The following ENY2 variants were observed in gnomAD, a reference collection of about 807,000 sequenced individuals.
The protein encoded by ENY2 is transcription and mRNA export factor ENY2.
A neutral mutation model predicts 15.9 loss-of-function variants in ENY2; 4 were observed. The observed-to-expected ratio is 0.25, with a 90% confidence interval of 0.12 to 0.57. The LOEUF (loss-of-function observed/expected upper bound fraction) is 0.57, where lower values mean the gene tolerates loss of function less well. ENY2 is among the 20% of genes least tolerant of loss of function. ENY2 has a pLI of 0.91. For missense variants in ENY2, 54 were observed against 117.2 expected, an observed-to-expected ratio of 0.46 and a Z score of 2.49; for synonymous variants, 48 against 38.0, an observed-to-expected ratio of 1.26 and a Z score of -0.97.
chr8:109,340,392 A>C, intron 3 of ENY2, 97 bp from the exon 4 acceptor site: 4 of 1,544,256 alleles, frequency 2.6e-6, no homozygotes, highest in Non-Finnish European at 3.5e-6. Flanking sequence ...AAACCAGTCT[A>C]CACTCTAAAA....
At chr8:109,341,816 T>G (rs1212278342) in intron 4 of ENY2, among the ~76,000 whole-genome samples, 4 of 152,186 alleles carry the variant, frequency 2.6e-5, no homozygotes, top group African/African-American at 9.6e-5. Context: ...TTCGTGTAGC[T>G]ACCACCGTCA....
At chr8:109,340,321 C>T in intron 3 of ENY2, 168 bp from the exon 4 acceptor site, 1 of 893,224 alleles carries the variant, frequency 1.1e-6, no homozygotes, top group South Asian at 1.8e-5. Flanking sequence ...TCTTTTAGAT[C>T]TAAAGAATAC....
At chr8:109,339,998 A>G (rs1457204923) in intron 3 of ENY2, among the ~76,000 whole-genome samples, 1 of 152,214 alleles carries the variant, frequency 6.6e-6, no homozygotes, top group Non-Finnish European at 1.5e-5. Flanking sequence ...TAGTAAAAGC[A>G]TAGACTTTAA....
At chr8:109,341,049 A>G (rs1214718487) in intron 4 of ENY2, among the ~76,000 whole-genome samples, 6 of 152,176 alleles carry the variant, frequency 3.9e-5, no homozygotes, top group Non-Finnish European at 7.4e-5. Flanking sequence ...TAAGACTCAC[A>G]ATGCAACCAC....
Position 109,334,379 on chromosome 8 carries a change from A to G in ENY2, c.-90A>G. On this transcript the variant is annotated 5_prime_UTR_variant, in exon 1 of 5. Coordinates refer to ENST00000521688, the MANE Select transcript of ENY2 (RefSeq NM_020189.6). ...TAGGTGCCCGAGCTACTGAGGGTCT[A>G]AGTCCGGGCAGCCGAAGAGTGTGGT... The G allele has an allele frequency of 1.9e-6, 3 of 1,589,214 alleles. No individual in the cohort carries two copies. Among genetic ancestry groups the G allele is most frequent in the Non-Finnish European group, 2.6e-6 (3 of 1,161,566 alleles).
chr8:109,341,291 G>T (rs1309315500), intron 4 of ENY2, among the ~76,000 whole-genome samples: 2 of 152,114 alleles, frequency 1.3e-5, no homozygotes, highest in Non-Finnish European at 2.9e-5. Flanking sequence ...GAATTTAAGT[G>T]TAAAAAGTAA....
intron 1 of ENY2, 160 bp downstream of exon 1, chr8:109,334,634 T>G: frequency 1.3e-6 from 1 of 783,502 alleles, no homozygotes. Flanking sequence ...GTCCTCGCTT[T>G]GTTTTCTGGC....
At chr8:109,342,983 G>A (rs1275395427) in intron 4 of ENY2, among the ~76,000 whole-genome samples, 1 of 152,106 alleles carries the variant, frequency 6.6e-6, no homozygotes, top group Non-Finnish European at 1.5e-5. Flanking sequence ...CCTTATCAGT[G>A]TGAAACAACT....
At position 109,344,261 on chromosome 8, in the gene ENY2, T is replaced by C. The variant is rs1238510194; in HGVS notation, c.*780T>C. 1.3e-5 allele frequency: 2 copies of C among 152,366 alleles called. No individual in the cohort carries two copies. Among genetic ancestry groups the C allele is most frequent in the African/African-American group, 4.8e-5 (2 of 41,464 alleles). The allele number at this position is 152,366 out of a possible 1,614,324, so 9.4% of individuals were successfully genotyped here. ...ACTCTCTTCCCACTCCTCACATTGCTTTTGCTACCACTGGAAGTTCCTTCT... is the reference window on the plus strand; with the variant it reads ...ACTCTCTTCCCACTCCTCACATTGCCTTTGCTACCACTGGAAGTTCCTTCT... On this transcript the variant is annotated 3_prime_UTR_variant, in exon 5 of 5. Transcript: ENST00000521688.
At position 109,335,866 on chromosome 8, in the gene ENY2, C is replaced by G. The variant is rs114306073; in HGVS notation, c.7-262C>G. On this transcript the variant is annotated intron_variant, in intron 1 of 4. Coordinates refer to ENST00000521688, the MANE Select transcript of ENY2 (RefSeq NM_020189.6). ...CCTCAGTTTCCTCATCAGTAAAATA[C>G]AGATTATTTTATTAATATAAATATG... is the stretch of plus-strand genomic sequence containing the variant. The G allele has an allele frequency of 3.6e-3, 914 of 253,052 alleles. 13 individuals carry two copies. Among genetic ancestry groups the G allele is most frequent in the African/African-American group, 0.019 (853 of 44,876 alleles). The allele number at this position is 253,052 out of a possible 1,614,324, so 15.7% of individuals were successfully genotyped here.
At chr8:109,343,349 T>G in intron 4 of ENY2, 56 bp from the exon 5 acceptor site, 11 of 1,343,754 alleles carry the variant, frequency 8.2e-6, no homozygotes, top group South Asian at 1.3e-5. Flanking sequence ...AGATCTTAAA[T>G]TCTCATGTAT....
chr8:109,343,533 C>T lies in ENY2; in HGVS notation c.*52C>T. 1.3e-6 allele frequency: 2 copies of T among 1,513,192 alleles called. No homozygotes were observed. Among genetic ancestry groups the T allele is most frequent in the Non-Finnish European group, 1.8e-6 (2 of 1,108,484 alleles). The allele number at this position is 1,513,192 out of a possible 1,614,324, so 93.7% of individuals were successfully genotyped here. ...TTTTATTTCTGAAAGTAAAACTTGC[C>T]ATAAATTAGAAAACAATTTCCCAAA... On this transcript the variant is annotated 3_prime_UTR_variant, in exon 5 of 5. Coordinates refer to ENST00000521688, the MANE Select transcript of ENY2 (RefSeq NM_020189.6).
In ENY2 at chr8:109,343,497, T is replaced by C; in HGVS notation, c.*16T>C. 6.3e-7 allele frequency: 1 copy of C among 1,593,952 alleles called. No homozygotes were observed. The highest frequency in any genetic ancestry group is 8.5e-7 in the Non-Finnish European group (1 of 1,172,910). Reference sequence around the variant, plus strand: ...CAGCCTTTAAGATTGAATTAGATTGTGTTGTTGTGGTTTTATTTCTGAAAG... The same window carrying C: ...CAGCCTTTAAGATTGAATTAGATTGCGTTGTTGTGGTTTTATTTCTGAAAG... On this transcript the variant is annotated 3_prime_UTR_variant, in exon 5 of 5. Transcript: ENST00000521688.
At chr8:109,334,596 G>A (rs1815912857) in intron 1 of ENY2, 122 bp downstream of exon 1, 1 of 1,239,140 alleles carries the variant, frequency 8.1e-7, no homozygotes, top group Non-Finnish European at 1.1e-6. Flanking sequence ...CTCCGACAGG[G>A]CGTGCTACCG....
chr8:109,334,412 G>A lies in ENY2; in HGVS notation c.-57G>A, dbSNP rs1815904202. ...GCAGCCGAAGAGTGTGGTAGGTAAC[G>A]GTCCTCAGCGCAAGGGTCATTTCGT... is the stretch of plus-strand genomic sequence containing the variant. On this transcript the variant is annotated 5_prime_UTR_variant, in exon 1 of 5. Transcript: ENST00000521688. 3 of 1,613,046 alleles carry A rather than the reference G, an allele frequency of 1.9e-6. No individual in the cohort carries two copies. Among genetic ancestry groups the A allele is most frequent in the African/African-American group, 1.3e-5 (1 of 74,942 alleles).
intron 4 of ENY2, among the ~76,000 whole-genome samples, chr8:109,342,257 A>AT (rs1816134153): frequency 6.8e-6 from 1 of 147,698 alleles, no homozygotes; most frequent in Non-Finnish European, 1.5e-5. Context: ...AATTTTTTGG[A>AT]TTTTTACTAG....
chr8:109,336,062 C>T lies in ENY2; in HGVS notation c.7-66C>T, dbSNP rs1041266107. ...AATGGTAAACATGTTAGGATGCCTGCCTAGAGGATTTAGCAGAAAATGCTT... is the reference window on the plus strand; with the variant it reads ...AATGGTAAACATGTTAGGATGCCTGTCTAGAGGATTTAGCAGAAAATGCTT... On this transcript the variant is annotated intron_variant, in intron 1 of 4. Coordinates refer to ENST00000521688, the MANE Select transcript of ENY2 (RefSeq NM_020189.6). 2.7e-6 allele frequency: 4 copies of T among 1,460,450 alleles called. No individual in the cohort carries two copies. The Admixed American group carries it at 5.2e-5, about 19-fold the overall frequency. The allele number at this position is 1,460,450 out of a possible 1,614,324, so 90.5% of individuals were successfully genotyped here.
At chr8:109,340,688 A>G in intron 4 of ENY2, 125 bp downstream of exon 4, 1 of 1,258,112 alleles carries the variant, frequency 7.9e-7, no homozygotes, top group Non-Finnish European at 1.1e-6. Flanking sequence ...TCTTGTAAAG[A>G]GTTAAAATTG....
intron 1 of ENY2, chr8:109,335,443 A>G (rs1254719564): frequency 1.3e-5 from 2 of 151,018 alleles, no homozygotes; most frequent in Non-Finnish European, 2.9e-5. Context: ...GCTCACTGCA[A>G]CCTCTGTCTC....
Sources: gnomAD v4.1 joint callset for allele counts (sites outside exome capture counted in the v4.1 genomes callset) on GRCh38, gnomAD v4.1.1 for gene constraint, MANE v1.5 for transcripts, NCBI Gene and HGNC (gene_info 2026-07-23, HGNC 2026-07-21) for gene names.